The following NEK10 variants were observed in gnomAD, a reference collection of about 807,000 sequenced individuals.
NEK10 encodes NIMA related kinase 10.
A neutral mutation model predicts 159.8 loss-of-function variants in NEK10; 122 were observed. That is an observed-to-expected ratio of 0.76 (90% CI 0.66 to 0.89). The LOEUF is 0.89. NEK10 is among the 40% of genes least tolerant of loss of function. NEK10 has a pLI of 0.00. For synonymous variants in NEK10, 466 were observed against 457.1 expected (o/e 1.02, Z -0.25); for missense variants, 1,342 against 1,323.1 (o/e 1.01, Z -0.22).
intron 23 of NEK10, among the ~76,000 whole-genome samples, chr3:27,236,364 C>T (rs188815604): frequency 1.5e-4 from 23 of 151,930 alleles, no homozygotes; most frequent in Non-Finnish European, 2.1e-4. Context: ...TGGAATACTA[C>T]TCAGCTATAA....
intron 32 of NEK10, among the ~76,000 whole-genome samples, chr3:27,120,317 TTTC>T (rs1190414153): frequency 6.6e-6 from 1 of 151,496 alleles, no homozygotes; most frequent in Non-Finnish European, 1.5e-5. Context: ...TAAGTTTCTT[TTTC>T]TTTTTTCTTT....
chr3:27,135,167 C>T (rs1273580324), intron 31 of NEK10, among the ~76,000 whole-genome samples: 1 of 152,108 alleles, frequency 6.6e-6, no homozygotes, highest in Non-Finnish European at 1.5e-5. Flanking sequence ...GCCTGTATTG[C>T]CAGCACTTTG....
intron 6 of NEK10, among the ~76,000 whole-genome samples, chr3:27,321,605 G>A (rs898007384): frequency 6.6e-6 from 1 of 152,176 alleles, no homozygotes; most frequent in Non-Finnish European, 1.5e-5. Flanking sequence ...CCTGGGAGGT[G>A]GAGAGTGCTA....
At chr3:27,244,412 C>T (rs1954855944) in intron 23 of NEK10, among the ~76,000 whole-genome samples, 1 of 152,152 alleles carries the variant, frequency 6.6e-6, no homozygotes, top group South Asian at 2.1e-4. Context: ...AACTTATTGC[C>T]TGTTGTCTCT....
chr3:27,343,205 A>G (rs959980899), intron 5 of NEK10, among the ~76,000 whole-genome samples: 3 of 152,192 alleles, frequency 2.0e-5, no homozygotes, highest in Non-Finnish European at 2.9e-5. Flanking sequence ...CAGTCATTTA[A>G]GTCCAATACT....
chr3:27,292,361 A>G (rs969620460), intron 16 of NEK10, among the ~76,000 whole-genome samples: 3 of 152,182 alleles, frequency 2.0e-5, no homozygotes, highest in Non-Finnish European at 4.4e-5. Flanking sequence ...GATTTTAGTA[A>G]GAAGTAAATA....
chr3:27,174,841 G>T lies in NEK10; in HGVS notation c.2506-8C>A. On this transcript the variant is annotated splice_polypyrimidine_tract_variant and splice_region_variant and intron_variant, in intron 26 of 35. Coordinates refer to ENST00000691995, the MANE Select transcript of NEK10 (RefSeq NM_001394966.1). Reference sequence around the variant, plus strand: ...TGCCTTCTCAAAGGTCTCCTGGAAAGAGAAATTCAGTTTTTCATAGCCTCT... The same window carrying T: ...TGCCTTCTCAAAGGTCTCCTGGAAATAGAAATTCAGTTTTTCATAGCCTCT... 6.4e-7 allele frequency: 1 copy of T among 1,560,466 alleles called. No homozygotes were observed. The highest frequency in any genetic ancestry group is 8.6e-7 in the Non-Finnish European group (1 of 1,158,452).
intron 5 of NEK10, among the ~76,000 whole-genome samples, chr3:27,334,820 G>T (rs2046682455): frequency 6.6e-6 from 1 of 151,962 alleles, no homozygotes; most frequent in Admixed American, 6.6e-5. Context: ...AAGAACACAG[G>T]AAACATGAAA....
chr3:27,321,726 CTAGAGGT>C (rs1301490370), intron 6 of NEK10, among the ~76,000 whole-genome samples: 1 of 152,080 alleles, frequency 6.6e-6, no homozygotes, highest in East Asian at 1.9e-4. Context: ...AAATTTGACT[CTAGAGGT>C]TGGGAAGGGA....
At chr3:27,156,659 T>C (rs1311878057) in intron 30 of NEK10, among the ~76,000 whole-genome samples, 3 of 151,892 alleles carry the variant, frequency 2.0e-5, no homozygotes, top group South Asian at 2.1e-4. Context: ...ACAGTAGATA[T>C]TGGCATGGAT....
At chr3:27,194,125 C>CTTTTTTTTTTTTTTTTT (rs71091113) in intron 25 of NEK10, 1 of 128,200 alleles carries the variant, frequency 7.8e-6, no homozygotes, top group African/African-American at 3.2e-5. Flanking sequence ...CAGAGAAATT[C>CTTTTTTTTTTTTTTTTT]TTTTTTTTTT....
chr3:27,363,877 G>C (rs956380564), intron 1 of NEK10: 4 of 152,164 alleles, frequency 2.6e-5, no homozygotes, highest in African/African-American at 9.7e-5. Flanking sequence ...AACAGGGTTA[G>C]AGGAGACTTG....
chr3:27,204,308 T>TG (rs1950318777), intron 23 of NEK10, among the ~76,000 whole-genome samples: 1 of 135,098 alleles, frequency 7.4e-6, no homozygotes, highest in African/African-American at 2.7e-5. Flanking sequence ...GTTGTTTTTT[T>TG]TTTTTTTTTT....
intron 6 of NEK10, among the ~76,000 whole-genome samples, chr3:27,319,372 C>G (rs1476339209): frequency 1.3e-5 from 2 of 152,188 alleles, no homozygotes; most frequent in Non-Finnish European, 2.9e-5. Context: ...GGAACATTCA[C>G]TAAACATATA....
At chr3:27,317,536 T>C (rs1281648324) in intron 6 of NEK10, among the ~76,000 whole-genome samples, 1 of 152,134 alleles carries the variant, frequency 6.6e-6, no homozygotes. Context: ...CCTGAATTGT[T>C]CCTTTTTTAA....
chr3:27,167,468 A>T (rs757667818), intron 29 of NEK10, among the ~76,000 whole-genome samples: 8 of 152,182 alleles, frequency 5.3e-5, no homozygotes, highest in Non-Finnish European at 1.2e-4. Flanking sequence ...TTTTACTAGG[A>T]CCTGAGAATA....
chr3:27,116,028 T>G (rs376883132), intron 34 of NEK10, 33 bp from the exon 35 acceptor site: 1 of 1,612,102 alleles, frequency 6.2e-7, no homozygotes, highest in African/African-American at 1.3e-5. Context: ...AGTATTGAAT[T>G]AGAAGTAACA....
At chr3:27,267,714 C>T (rs999850750) in intron 22 of NEK10, among the ~76,000 whole-genome samples, 4 of 152,136 alleles carry the variant, frequency 2.6e-5, no homozygotes, top group Non-Finnish European at 4.4e-5. Context: ...CCTCCTTATC[C>T]CCCTAGACAC....
chr3:27,292,407 A>G (rs1425571278), intron 16 of NEK10, among the ~76,000 whole-genome samples: 1 of 152,214 alleles, frequency 6.6e-6, no homozygotes, highest in Non-Finnish European at 1.5e-5. Flanking sequence ...TCATGAAAAT[A>G]AAAATACTGG....
Sources: gnomAD v4.1 joint callset for allele counts (sites outside exome capture counted in the v4.1 genomes callset) on GRCh38, gnomAD v4.1.1 for gene constraint, MANE v1.5 for transcripts, NCBI Gene and HGNC (gene_info 2026-07-23, HGNC 2026-07-21) for gene names.